ITGA10: variants seen among roughly 807,000 people sequenced by gnomAD.
The protein encoded by ITGA10 is integrin subunit alpha 10.
In ITGA10, 105 loss-of-function variants were observed where a neutral mutation model predicts 145.2. That is an observed-to-expected ratio of 0.72 (90% confidence interval 0.62 to 0.85). The LOEUF is 0.85. Ranked by LOEUF, ITGA10 falls within the 40% of genes least tolerant of loss-of-function variation. ITGA10 has a pLI of 0.00. For missense variants in ITGA10, 1,317 were observed against 1,444.5 expected, an observed-to-expected ratio of 0.91 and a Z score of 1.43; for synonymous variants, 506 against 557.8, an observed-to-expected ratio of 0.91 and a Z score of 1.31.
chr1:145,895,653 TC>T lies in ITGA10; in HGVS notation c.3091del (p.Glu1031SerfsTer8). The T allele has an allele frequency of 6.2e-7, 1 of 1,614,224 alleles. No homozygotes were observed. Among genetic ancestry groups the T allele is most frequent in the Non-Finnish European group, 8.5e-7 (1 of 1,180,030 alleles). Reference sequence around the variant, plus strand: ...TACCAGTCTGTTTGTGTGTTGAAGCTCCTCTGGATGCACAGGTGGGCCTGGG... The same window carrying T: ...TACCAGTCTGTTTGTGTGTTGAAGCTCTCTGGATGCACAGGTGGGCCTGGG... ...EPPGPPVHPE[E>X]LQHTNRLNGS... On this transcript the variant is annotated frameshift_variant, in exon 26 of 30. Transcript: ENST00000369304. LOFTEE classifies it high-confidence loss of function.
In ITGA10 at chr1:145,897,623, C is replaced by T. The variant is rs1655618850; in HGVS notation, c.2463G>A (p.Arg821=). The T allele has an allele frequency of 6.2e-7, 1 of 1,614,014 alleles. No homozygotes were observed. Among genetic ancestry groups the T allele is most frequent in the Non-Finnish European group, 8.5e-7 (1 of 1,180,018 alleles). Residue 821 remains arginine (R), a synonymous_variant, in exon 20 of 30, where the codon CGG becomes CGA. Transcript: ENST00000369304. The part of the protein sequence containing the change: ...RKAPFVVRGG[R]RKVLVSTTLE... Reference sequence around the variant, plus strand: ...GAGTTGTAGATACCAGCACTTTCCGCCGGCCACCTCGAACCACAAATGGGG... The same window carrying T: ...GAGTTGTAGATACCAGCACTTTCCGTCGGCCACCTCGAACCACAAATGGGG...
chr1:145,893,092 C>T, intron 29 of ITGA10, 69 bp downstream of exon 29: 2 of 1,225,342 alleles, frequency 1.6e-6, no homozygotes, highest in Admixed American at 3.4e-5. Context: ...CCTGTTCTCT[C>T]TGCTATAATC....
rs782130056 is a variant in ITGA10 at position 145,907,106 on chromosome 1, C to G, written c.209G>C (p.Arg70Thr). ...APWDGPSGDR[R>T]GDVYRCPVGG... Reference sequence around the variant, plus strand: ...TACAGGGCAGCGATAAACGTCCCCCCTCCGGTCGCCTGAAGGCCCATCCCA... The same window carrying G: ...TACAGGGCAGCGATAAACGTCCCCCGTCCGGTCGCCTGAAGGCCCATCCCA... Residue 70 changes from arginine (R) to threonine (T), a missense_variant, in exon 3 of 30, where the codon AGG becomes ACG. Arg to Thr is a moderately conservative substitution (Grantham distance 71). Transcript: ENST00000369304. 2 of 1,564,016 alleles carry G rather than the reference C, an allele frequency of 1.3e-6. No individual in the cohort carries two copies. Among genetic ancestry groups the G allele is most frequent in the Non-Finnish European group, 1.7e-6 (2 of 1,153,742 alleles).
Position 145,900,181 on chromosome 1 carries a change from C to T in ITGA10, c.1798G>A (p.Ala600Thr). The change falls in exon 15 of 30, where the codon GCT (alanine) becomes ACT (threonine). Residue 600 changes from alanine to threonine, a missense_variant. Ala to Thr is a moderately conservative substitution (Grantham distance 58). Transcript: ENST00000369304. ...AGGGCATGTGGCATGGAGGCAGCAG[C>T]AATCCTCTGAGAGGAAGAGAGAGAA... The part of the protein sequence containing the change: ...GVRPHPAQRI[A>T]AASMPHALSY... 1 of 1,612,636 alleles carries T rather than the reference C, an allele frequency of 6.2e-7. No individual in the cohort carries two copies. Among genetic ancestry groups the T allele is most frequent in the Non-Finnish European group, 8.5e-7 (1 of 1,179,274 alleles).
chr1:145,897,154 C>T, intron 21 of ITGA10, 67 bp from the exon 22 acceptor site: 1 of 1,551,654 alleles, frequency 6.4e-7, no homozygotes, highest in Non-Finnish European at 8.9e-7. Flanking sequence ...GGAACAGGAG[C>T]CCTTGTGCGC....
In ITGA10 at chr1:145,900,781, A is replaced by G. The variant is rs1195875682; in HGVS notation, c.1791+9T>C. ...AACCGTGCCCCTGCTTTATTTGGGT[A>G]CTCCTGACCTGGGCAGGATGGGGCC... On this transcript the variant is annotated intron_variant, in intron 14 of 29. Coordinates refer to ENST00000369304, the MANE Select transcript of ITGA10 (RefSeq NM_003637.5). 6.2e-7 allele frequency: 1 copy of G among 1,613,134 alleles called. No individual in the cohort carries two copies. Among genetic ancestry groups the G allele is most frequent in the Non-Finnish European group, 8.5e-7 (1 of 1,179,466 alleles).
rs930423976 is a variant in ITGA10 at position 145,905,425 on chromosome 1, G to A, written c.482-614C>T. Among the ~76,000 whole-genome samples, 5 of 150,408 alleles carry A rather than the reference G, an allele frequency of 3.3e-5. No homozygotes were observed. The East Asian group carries it at 9.9e-4, about 30-fold the overall frequency. Reference sequence around the variant, plus strand: ...CTCCCGAGTAGCTGGGACTACAGGCGCCCGCCACGACACCCGGCTAATTTT... The same window carrying A: ...CTCCCGAGTAGCTGGGACTACAGGCACCCGCCACGACACCCGGCTAATTTT... On this transcript the variant is annotated intron_variant, in intron 5 of 29. Coordinates refer to ENST00000369304, the MANE Select transcript of ITGA10 (RefSeq NM_003637.5).
At position 145,906,675 on chromosome 1, in the gene ITGA10, TCTC is replaced by T. The variant is rs1279513052; in HGVS notation, c.366+55_366+57del. ...ACAGACCATTTTCCCTTACCACACT[TCTC>T]TTTTTTCTTTTATGGACCTTCAGAG... On this transcript the variant is annotated intron_variant, in intron 4 of 29. Coordinates refer to ENST00000369304, the MANE Select transcript of ITGA10 (RefSeq NM_003637.5). 3.5e-6 allele frequency: 5 copies of T among 1,440,962 alleles called. No individual in the cohort carries two copies. The Admixed American group carries it at 5.2e-5, about 15-fold the overall frequency. The allele number at this position is 1,440,962 out of a possible 1,614,324, so 89.3% of individuals were successfully genotyped here.
chr1:145,899,673 T>C (rs1553747203), intron 15 of ITGA10, among the ~76,000 whole-genome samples: 1 of 152,038 alleles, frequency 6.6e-6, no homozygotes, highest in African/African-American at 2.4e-5. Flanking sequence ...CATGCTCAGC[T>C]AATTTTTTTG....
At chr1:145,908,086 T>C (rs1347875255) in intron 1 of ITGA10, among the ~76,000 whole-genome samples, 1 of 152,024 alleles carries the variant, frequency 6.6e-6, no homozygotes, top group East Asian at 1.9e-4. Flanking sequence ...TTCCACAACA[T>C]TCCTTCCACA....
At chr1:145,905,971 G>A (rs782356961) in intron 5 of ITGA10, 2 of 179,578 alleles carry the variant, frequency 1.1e-5, no homozygotes, top group Admixed American at 5.4e-5. Flanking sequence ...CCACGCTAGA[G>A]TGCAGAGGCA....
intron 17 of ITGA10, 34 bp from the exon 18 acceptor site, chr1:145,898,257 C>A: frequency 1.5e-6 from 2 of 1,377,578 alleles, no homozygotes; most frequent in South Asian, 2.3e-5. Context: ...GTCACAGAGT[C>A]AAGGATCTTG....
intron 2 of ITGA10, 43 bp from the exon 3 acceptor site, chr1:145,907,193 G>T: frequency 6.4e-7 from 1 of 1,561,548 alleles, no homozygotes; most frequent in South Asian, 1.2e-5. Flanking sequence ...GGGCAAACAT[G>T]ACCCTTGACA....
At chr1:145,903,194 G>C (rs1656629136) in intron 7 of ITGA10, among the ~76,000 whole-genome samples, 1 of 152,182 alleles carries the variant, frequency 6.6e-6, no homozygotes, top group Admixed American at 6.5e-5. Flanking sequence ...ATACAGAGTA[G>C]CTTATCAGTC....
Position 145,907,097 on chromosome 1 carries a change from AC to A in ITGA10, c.217del (p.Val73PhefsTer6). 1 of 1,565,180 alleles carries A rather than the reference AC, an allele frequency of 6.4e-7. No individual in the cohort carries two copies. The highest frequency in any genetic ancestry group is 8.7e-7 in the Non-Finnish European group (1 of 1,154,496). On this transcript the variant is annotated frameshift_variant, in exon 3 of 30. Transcript: ENST00000369304. LOFTEE classifies it high-confidence loss of function. ...GGCCCCCCCTACAGGGCAGCGATAA[AC>A]GTCCCCCCTCCGGTCGCCTGAAGGC... ...DGPSGDRRGD[V>X]YRCPVGGAHN...
At chr1:145,907,657 C>T in intron 1 of ITGA10, 192 bp from the exon 2 acceptor site, 1 of 957,392 alleles carries the variant, frequency 1.0e-6, no homozygotes, top group Non-Finnish European at 1.2e-6. Context: ...TGTTTGTGTC[C>T]AGATGCCTAA....
At position 145,897,944 on chromosome 1, in the gene ITGA10, A is replaced by G. The variant is rs782048858; in HGVS notation, c.2347-44T>C. On this transcript the variant is annotated intron_variant, in intron 18 of 29. Coordinates refer to ENST00000369304, the MANE Select transcript of ITGA10 (RefSeq NM_003637.5). ...GCTAAGGGTTGAGAGGAAAGCAAGG[A>G]GGAAAGGAATAGAATAGGGGGAAAG... 3.9e-6 allele frequency: 6 copies of G among 1,527,154 alleles called. No individual in the cohort carries two copies. The South Asian group carries it at 6.7e-5, about 17-fold the overall frequency. The allele number at this position is 1,527,154 out of a possible 1,614,324, so 94.6% of individuals were successfully genotyped here.
chr1:145,892,198 G>A lies in ITGA10; in HGVS notation c.*600C>T, dbSNP rs146806830. On this transcript the variant is annotated 3_prime_UTR_variant, in exon 30 of 30. Coordinates refer to ENST00000369304, the MANE Select transcript of ITGA10 (RefSeq NM_003637.5). Reference sequence around the variant, plus strand: ...GGGGATGGCAGTTGCCTGTCTAAAGGCTTCTCTGTTCCTTGGAATTGTACA... The same window carrying A: ...GGGGATGGCAGTTGCCTGTCTAAAGACTTCTCTGTTCCTTGGAATTGTACA... 1 of 152,822 alleles carries A rather than the reference G, an allele frequency of 6.5e-6. No individual in the cohort carries two copies. The highest frequency in any genetic ancestry group is 1.5e-5 in the Non-Finnish European group (1 of 68,224). The allele number at this position is 152,822 out of a possible 1,614,324, so 9.5% of individuals were successfully genotyped here.
At chr1:145,896,205 T>C (rs61814243) in intron 24 of ITGA10, 63 bp downstream of exon 24, 39,164 of 1,493,634 alleles carry the variant, frequency 0.026, 601 homozygotes, top group Non-Finnish European at 0.03. Flanking sequence ...CTTCCCATCC[T>C]TTTCCCACAA....
Sources: gnomAD v4.1 joint callset for allele counts (sites outside exome capture counted in the v4.1 genomes callset) on GRCh38, gnomAD v4.1.1 for gene constraint, MANE v1.5 for transcripts, NCBI Gene and HGNC (gene_info 2026-07-23, HGNC 2026-07-21) for gene names.